The following SLC24A2 variants were observed in gnomAD, a reference collection of about 807,000 sequenced individuals.
The protein encoded by SLC24A2 is solute carrier family 24 member 2.
A neutral mutation model predicts 62.0 loss-of-function variants in SLC24A2; 36 were observed. That is an observed-to-expected ratio of 0.58 (90% confidence interval 0.44 to 0.77). The LOEUF (loss-of-function observed/expected upper bound fraction) is 0.77. Ranked by LOEUF, SLC24A2 falls within the 30% of genes least tolerant of loss-of-function variation. The pLI, the probability that SLC24A2 is intolerant of heterozygous loss-of-function variation, is 0.00. For missense variants in SLC24A2, 846 were observed against 817.9 expected, an observed-to-expected ratio of 1.03 and a Z score of -0.42; for synonymous variants, 358 against 294.0, an observed-to-expected ratio of 1.22 and a Z score of -2.23.
At chr9:20,263,277 G>A in the SLC24A2 span, among the ~76,000 whole-genome samples, 2 of 152,284 alleles carry the variant, frequency 1.3e-5, no homozygotes, top group East Asian at 1.9e-4. Context: ...GGGTGAGACA[G>A]GATCTCACTC....
the SLC24A2 span, among the ~76,000 whole-genome samples, chr9:20,117,774 G>A: frequency 5.5e-4 from 83 of 152,074 alleles, no homozygotes; most frequent in African/African-American, 1.8e-3. Context: ...TTTACTAAGG[G>A]CTTATTATGT....
the SLC24A2 span, among the ~76,000 whole-genome samples, chr9:19,801,726 G>A: frequency 6.6e-6 from 1 of 152,172 alleles, no homozygotes; most frequent in Non-Finnish European, 1.5e-5. Flanking sequence ...TAAGTTGCAA[G>A]CCCTGTGTTT....
chr9:20,278,060 G>A, the SLC24A2 span, among the ~76,000 whole-genome samples: 1 of 152,016 alleles, frequency 6.6e-6, no homozygotes, highest in Non-Finnish European at 1.5e-5. Flanking sequence ...CACAGGGTGG[G>A]GAACATCACA....
At chr9:19,837,208 T>C in the SLC24A2 span, among the ~76,000 whole-genome samples, 11 of 150,956 alleles carry the variant, frequency 7.3e-5, no homozygotes, top group African/African-American at 2.7e-4. Flanking sequence ...ATCCCAGCAC[T>C]TTGGGAGGCC....
intron 2 of SLC24A2, among the ~76,000 whole-genome samples, chr9:19,725,157 G>A (rs1821134922): frequency 6.6e-6 from 1 of 152,114 alleles, no homozygotes; most frequent in Non-Finnish European, 1.5e-5. Flanking sequence ...GAGTGCGTGT[G>A]CTACCAGCAT....
At chr9:19,798,066 T>C in the SLC24A2 span, among the ~76,000 whole-genome samples, 1 of 152,206 alleles carries the variant, frequency 6.6e-6, no homozygotes, top group Non-Finnish European at 1.5e-5. Context: ...GACTGTATCA[T>C]GTTTATATAG....
At chr9:20,100,464 T>C in the SLC24A2 span, among the ~76,000 whole-genome samples, 1 of 152,208 alleles carries the variant, frequency 6.6e-6, no homozygotes, top group Non-Finnish European at 1.5e-5. Context: ...ACTATATACA[T>C]CTGAACCCAG....
At chr9:20,034,360 C>G in the SLC24A2 span, among the ~76,000 whole-genome samples, 2 of 150,952 alleles carry the variant, frequency 1.3e-5, no homozygotes, top group Admixed American at 6.6e-5. Context: ...TACTGCATTA[C>G]TTTTGCCTTC....
the SLC24A2 span, among the ~76,000 whole-genome samples, chr9:19,890,105 T>C: frequency 1.3e-5 from 2 of 152,244 alleles, no homozygotes; most frequent in Non-Finnish European, 2.9e-5. Context: ...CACCCGTCTC[T>C]TTCTCTATCA....
At chr9:20,146,209 A>T in the SLC24A2 span, among the ~76,000 whole-genome samples, 1 of 152,134 alleles carries the variant, frequency 6.6e-6, no homozygotes, top group East Asian at 1.9e-4. Flanking sequence ...ATATCAAAAG[A>T]AAGAATGTAA....
chr9:19,709,071 C>G (rs1429271769), intron 2 of SLC24A2, among the ~76,000 whole-genome samples: 1 of 152,120 alleles, frequency 6.6e-6, no homozygotes, highest in Admixed American at 6.5e-5. Flanking sequence ...AAAAAACAAA[C>G]AACCCATCAA....
chr9:20,301,334 AT>A, the SLC24A2 span, among the ~76,000 whole-genome samples: 2 of 151,990 alleles, frequency 1.3e-5, no homozygotes, highest in African/African-American at 4.8e-5. Flanking sequence ...TTTTCTTATT[AT>A]AAAAATGGTA....
chr9:19,661,924 C>T (rs1411347616), intron 2 of SLC24A2, among the ~76,000 whole-genome samples: 1 of 152,174 alleles, frequency 6.6e-6, no homozygotes, highest in Non-Finnish European at 1.5e-5. Context: ...CCATCCAGAC[C>T]ACCTAAATAG....
At chr9:19,692,325 G>C (rs1820067410) in intron 2 of SLC24A2, among the ~76,000 whole-genome samples, 1 of 152,002 alleles carries the variant, frequency 6.6e-6, no homozygotes, top group South Asian at 2.1e-4. Context: ...ATTTCTACAG[G>C]TTTTTTTCCA....
chr9:19,860,752 C>T, the SLC24A2 span, among the ~76,000 whole-genome samples: 2 of 152,006 alleles, frequency 1.3e-5, no homozygotes, highest in African/African-American at 2.4e-5. Flanking sequence ...GCATTCATGA[C>T]AAGCTAACTG....
chr9:19,709,346 G>T (rs569482720), intron 2 of SLC24A2, among the ~76,000 whole-genome samples: 2 of 152,322 alleles, frequency 1.3e-5, no homozygotes, highest in South Asian at 4.1e-4. Context: ...AGTCAGTGTG[G>T]CAATTCCTTG....
intron 4 of SLC24A2, among the ~76,000 whole-genome samples, chr9:19,611,556 T>C (rs528516143): frequency 1.3e-5 from 2 of 152,122 alleles, no homozygotes; most frequent in South Asian, 4.2e-4. Flanking sequence ...GCTTTTGCTC[T>C]TGGTGAGATG....
At chr9:20,281,459 T>G in the SLC24A2 span, among the ~76,000 whole-genome samples, 1 of 152,102 alleles carries the variant, frequency 6.6e-6, no homozygotes, top group South Asian at 2.1e-4. Flanking sequence ...CCTCAGAAAC[T>G]TCCATGTACT....
the SLC24A2 span, among the ~76,000 whole-genome samples, chr9:20,285,020 G>T: frequency 6.6e-6 from 1 of 152,198 alleles, no homozygotes; most frequent in African/African-American, 2.4e-5. Context: ...AATGTTAAGT[G>T]TAAGGATTAC....
Sources: allele counts gnomAD v4.1 joint callset (sites outside exome capture counted in the v4.1 genomes callset), GRCh38; gene constraint gnomAD v4.1.1; transcripts MANE v1.5; gene names NCBI Gene and HGNC (gene_info 2026-07-23, HGNC 2026-07-21).